NOTCH3: variants seen among roughly 807,000 people sequenced by gnomAD.
NOTCH3 encodes the protein neurogenic locus notch homolog protein 3.
In NOTCH3, 86 loss-of-function variants were observed where a neutral mutation model predicts 213.3. The observed-to-expected ratio is 0.40, with a 90% confidence interval of 0.34 to 0.48. NOTCH3 has a LOEUF of 0.48. Ranked by LOEUF, NOTCH3 falls within the 20% of genes least tolerant of loss-of-function variation. NOTCH3 has a pLI of 0.57. For synonymous variants in NOTCH3, 1,354 were observed against 1,355.9 expected, an observed-to-expected ratio of 1.00 and a Z score of 0.03; for missense variants, 2,783 against 3,272.6, an observed-to-expected ratio of 0.85 and a Z score of 3.65.
Position 15,180,189 on chromosome 19 carries a change from G to A in NOTCH3, c.3210C>T (p.Cys1070=), listed in dbSNP as rs202041210. The change falls in exon 20 of 33, where the codon TGC becomes TGT. Residue 1070 remains cysteine, a synonymous_variant. Coordinates refer to ENST00000263388, the MANE Select transcript of NOTCH3 (RefSeq NM_000435.3). The part of the protein sequence containing the change: ...QCVDEDSSHY[C]VCPEGRTGSH... ...TACCAGTACGGCCCTCTGGGCACAC[G>A]CAGTAGTGGGAGCTGTCTTCATCCA... 23 of 1,613,652 alleles carry A rather than the reference G, an allele frequency of 1.4e-5. No individual in the cohort carries two copies. Among genetic ancestry groups the A allele is most frequent in the Non-Finnish European group, 1.6e-5 (19 of 1,179,938 alleles).
chr19:15,181,815 G>C lies in NOTCH3; in HGVS notation c.2567-14C>G. ...TCAGGCATGGGTCTGCGGACAGGAGGAAGGCGGTCTGGTCACCTACCTTGC... is the reference window on the plus strand; with the variant it reads ...TCAGGCATGGGTCTGCGGACAGGAGCAAGGCGGTCTGGTCACCTACCTTGC... On this transcript the variant is annotated splice_polypyrimidine_tract_variant and intron_variant, in intron 16 of 32. Coordinates refer to ENST00000263388, the MANE Select transcript of NOTCH3 (RefSeq NM_000435.3). The C allele has an allele frequency of 6.5e-7, 1 of 1,549,052 alleles. No individual in the cohort carries two copies. The highest frequency in any genetic ancestry group is 1.2e-5 in the South Asian group (1 of 84,124).
chr19:15,169,424 G>A (rs1425019059), intron 28 of NOTCH3, among the ~76,000 whole-genome samples: 1 of 137,058 alleles, frequency 7.3e-6, no homozygotes, highest in Non-Finnish European at 1.6e-5. Flanking sequence ...TTTTTTTTTT[G>A]AGACGGAGTT....
At chr19:15,162,759 CTGTG>C (rs1297446283) in intron 31 of NOTCH3, among the ~76,000 whole-genome samples, 197 bp from the exon 32 acceptor site, 6 of 36,060 alleles carry the variant, frequency 1.7e-4, no homozygotes, top group Admixed American at 4.9e-4. Context: ...CACTTTGTGT[CTGTG>C]TGTGTGTGTT....
intron 1 of NOTCH3, among the ~76,000 whole-genome samples, chr19:15,199,475 GTCT>G (rs1219559997): frequency 9.2e-5 from 14 of 152,158 alleles, no homozygotes; most frequent in African/African-American, 2.9e-4. Flanking sequence ...ATGTCCTTGA[GTCT>G]TCATCTATGT....
chr19:15,185,707 C>T lies in NOTCH3; in HGVS notation c.1952-28G>A. The T allele has an allele frequency of 1.9e-6, 3 of 1,610,974 alleles. No homozygotes were observed. Among genetic ancestry groups the T allele is most frequent in the Non-Finnish European group, 2.5e-6 (3 of 1,179,370 alleles). ...GGGGAGTACACAAGCAATCTCATCT[C>T]AGAACAAAGTCAGCAGGGACAACCA... is the stretch of plus-strand genomic sequence containing the variant. On this transcript the variant is annotated intron_variant, in intron 12 of 32. Transcript: ENST00000263388. The surrounding 1 kb of genome is among the most constrained non-coding windows in gnomAD (Gnocchi z 4.2).
chr19:15,184,525 A>G, intron 15 of NOTCH3, 75 bp from the exon 16 acceptor site: 2 of 1,471,290 alleles, frequency 1.4e-6, no homozygotes, highest in Non-Finnish European at 9.5e-7. Context: ...GGGCTCAGGA[A>G]GAACCTGCAG....
In NOTCH3 at chr19:15,192,048, G is replaced by A. The variant is rs367943979; in HGVS notation, c.591C>T (p.Pro197=). The A allele has an allele frequency of 7.1e-5, 115 of 1,612,990 alleles. No individual in the cohort carries two copies. The highest frequency in any genetic ancestry group is 9.2e-5 in the Non-Finnish European group (108 of 1,179,978). The change falls in exon 4 of 33, where the codon CCC becomes CCT. Residue 197 remains proline, a synonymous_variant. Transcript: ENST00000263388. ...ATGGTGAGGGTGCACAGGGCACCGC[G>A]GGGTTCTCACATAGTGGCCCTGTGT... ...AGYTGPLCEN[P]AVPCAPSPCR... is the part of the protein sequence containing the mutation.
chr19:15,183,256 T>TAACA (rs1053717670), intron 16 of NOTCH3, among the ~76,000 whole-genome samples: 2 of 152,086 alleles, frequency 1.3e-5, no homozygotes, highest in African/African-American at 4.8e-5. Flanking sequence ...TCTGAATACA[T>TAACA]AATAAATAAA....
At chr19:15,164,377 T>A (rs8103927) in intron 31 of NOTCH3, among the ~76,000 whole-genome samples, 136,779 of 151,890 alleles carry the variant, frequency 0.9, 61,887 homozygotes, top group African/African-American at 0.97. Flanking sequence ...CCGTCTCTAC[T>A]AAAAATACAA....
In NOTCH3 at chr19:15,159,491, T is replaced by C. The variant is rs11670045; in HGVS notation, c.*1171A>G. ...CAACCACTAATCCAATCGGTAGTCATCTGCCAAAAGAGGAAGCATAAGTAG... is the reference window on the plus strand; with the variant it reads ...CAACCACTAATCCAATCGGTAGTCACCTGCCAAAAGAGGAAGCATAAGTAG... On this transcript the variant is annotated 3_prime_UTR_variant, in exon 33 of 33. Transcript: ENST00000263388. 3 of 194,912 alleles carry C rather than the reference T, an allele frequency of 1.5e-5. No homozygotes were observed. Among genetic ancestry groups the C allele is most frequent in the Non-Finnish European group, 3.2e-5 (3 of 93,762 alleles). 12.1% of individuals were successfully genotyped at this position (194,912 alleles called of 1,614,324 possible).
Position 15,160,506 on chromosome 19 carries a change from T to A in NOTCH3, c.*156A>T. On this transcript the variant is annotated 3_prime_UTR_variant, in exon 33 of 33. Coordinates refer to ENST00000263388, the MANE Select transcript of NOTCH3 (RefSeq NM_000435.3). ...AAGGAAGACTGAAGCCCTGGGCTGA[T>A]GACCTATCTCGGTCACGCTGCAAGG... 1 of 740,276 alleles carries A rather than the reference T, an allele frequency of 1.4e-6. No individual in the cohort carries two copies. The highest frequency in any genetic ancestry group is 2.4e-6 in the Non-Finnish European group (1 of 408,202). 45.9% of individuals were successfully genotyped at this position (740,276 alleles called of 1,614,324 possible).
Position 15,170,463 on chromosome 19 carries a change from C to G in NOTCH3, c.4982G>C (p.Gly1661Ala). Reference protein sequence around the residue: ...AVLLLVILVLGVMVARRKREH... With the variant: ...AVLLLVILVLAVMVARRKREH... ...GCGCTTGCGCCGGGCCACCATGACA[C>G]CCAGGACGAGAATGACCAGCAGCAA... Residue 1661 changes from glycine to alanine, a missense_variant, in exon 27 of 33, where the codon GGT becomes GCT. This residue lies in a region of NOTCH3 where 636 missense variants were observed against 801.8 expected (regional missense o/e 0.79). Transcript: ENST00000263388. 1 of 1,608,952 alleles carries G rather than the reference C, an allele frequency of 6.2e-7. No individual in the cohort carries two copies. The highest frequency in any genetic ancestry group is 8.5e-7 in the Non-Finnish European group (1 of 1,179,960).
chr19:15,179,449 C>T lies in NOTCH3; in HGVS notation c.3375G>A (p.Glu1125=). 1.2e-6 allele frequency: 2 copies of T among 1,614,032 alleles called. No individual in the cohort carries two copies. Among genetic ancestry groups the T allele is most frequent in the Non-Finnish European group, 8.5e-7 (1 of 1,179,986 alleles). ...CGTGCTGGCAGGGCTGGGAGGCACA[C>T]TCGTCCACGTCGTCCTCACAGTTAT... The part of the protein sequence containing the change: ...NGDNCEDDVD[E]CASQPCQHGG... The change falls in exon 21 of 33, where the codon GAG becomes GAA. Residue 1125 remains glutamate (E), a synonymous_variant. Transcript: ENST00000263388.
At chr19:15,182,570 AATGAT>A (rs2046849474) in intron 16 of NOTCH3, among the ~76,000 whole-genome samples, 3 of 152,040 alleles carry the variant, frequency 2.0e-5, no homozygotes, top group Admixed American at 2.0e-4. Flanking sequence ...TACATGTTGA[AATGAT>A]ATGTTAATAT....
Position 15,167,312 on chromosome 19 carries a change from C to A in NOTCH3, c.5299G>T (p.Ala1767Ser). 6.2e-7 allele frequency: 1 copy of A among 1,613,546 alleles called. No homozygotes were observed. Among genetic ancestry groups the A allele is most frequent in the Non-Finnish European group, 8.5e-7 (1 of 1,180,004 alleles). Residue 1767 changes from alanine (A) to serine (S), a missense_variant, in exon 29 of 33, where the codon GCA (alanine) becomes TCA (serine). Physicochemically the swap from Ala to Ser is moderately conservative, Grantham distance 99. Around this residue, in one of 6 missense-constraint regions of NOTCH3, gnomAD observed 636 missense variants for 801.8 expected, o/e 0.79. Coordinates refer to ENST00000263388, the MANE Select transcript of NOTCH3 (RefSeq NM_000435.3). ...GCGTCGCCCTGTGGTGGTGTCAGTG[C>A]CATGGCTGGTGCCACGCGGATGTCA... ...AADIRVAPAM[A>S]LTPPQGDADA... is the part of the protein sequence containing the mutation.
At chr19:15,166,142 A>C (rs565125132) in intron 29 of NOTCH3, 51 bp from the exon 30 acceptor site, 1 of 1,527,482 alleles carries the variant, frequency 6.5e-7, no homozygotes, top group African/African-American at 1.4e-5. Context: ...GGCCTTTTCC[A>C]GGAAATGTTA....
In NOTCH3 at chr19:15,181,580, G is replaced by A; in HGVS notation, c.2788C>T (p.Pro930Ser). The change falls in exon 17 of 33, where the codon CCC (proline) becomes TCC (serine). Residue 930 changes from proline to serine, a missense_variant. Coordinates refer to ENST00000263388, the MANE Select transcript of NOTCH3 (RefSeq NM_000435.3). ...HCEQDLPDCS[P>S]SSCFNGGTCV... Reference sequence around the variant, plus strand: ...CCAAGCAGAGGCCCCGCCCACCTGGGGCTGCAGTCGGGCAGGTCCTGTTCG... The same window carrying A: ...CCAAGCAGAGGCCCCGCCCACCTGGAGCTGCAGTCGGGCAGGTCCTGTTCG... The A allele has an allele frequency of 1.3e-6, 2 of 1,550,342 alleles. No homozygotes were observed. The highest frequency in any genetic ancestry group is 2.4e-5 in the South Asian group (2 of 84,020).
Position 15,160,636 on chromosome 19 carries a change from C to T in NOTCH3, c.*26G>A. ...GCAGGACGGGGGTCTCTTTAGGCCC[C>T]CAAGATCTAAGAACTGACGAGCGTC... On this transcript the variant is annotated 3_prime_UTR_variant, in exon 33 of 33. Coordinates refer to ENST00000263388, the MANE Select transcript of NOTCH3 (RefSeq NM_000435.3). 6.3e-7 allele frequency: 1 copy of T among 1,588,706 alleles called. No homozygotes were observed. The highest frequency in any genetic ancestry group is 1.1e-5 in the South Asian group (1 of 90,512).
chr19:15,189,565 C>G, intron 6 of NOTCH3, 137 bp from the exon 7 acceptor site: 1 of 1,061,256 alleles, frequency 9.4e-7, no homozygotes, highest in South Asian at 1.3e-5. Flanking sequence ...GTTGCCCAAG[C>G]TGGAGTACAA....
Sources: gnomAD v4.1 joint callset for allele counts (sites outside exome capture counted in the v4.1 genomes callset) on GRCh38, gnomAD v4.1.1 for gene constraint, gnomAD v4.1.1 regional missense constraint, Gnocchi (gnomAD v3.1) non-coding constraint, MANE v1.5 for transcripts, NCBI Gene and HGNC (gene_info 2026-07-23, HGNC 2026-07-21) for gene names.